Variants in BOK observed in about 807,000 individuals in gnomAD.
BOK encodes bcl-2-related ovarian killer protein.
In BOK, 20 loss-of-function variants were observed where a neutral mutation model predicts 18.3. The observed-to-expected ratio is 1.09, with a 90% CI of 0.77 to 1.59. BOK has a LOEUF of 1.59. Ranked by LOEUF, BOK falls within the 40% of genes most tolerant of loss-of-function variation. BOK has a pLI of 0.00. For missense variants in BOK, 348 were observed against 307.9 expected (o/e 1.13, Z -0.97); for synonymous variants, 173 against 142.4 (o/e 1.21, Z -1.53).
At position 241,559,569 on chromosome 2, in the gene BOK, C is replaced by T. The variant is rs142158341; in HGVS notation, c.86C>T (p.Ala29Val). ...DRSPTDKELV[A>V]QAKALGREYV... is the part of the protein sequence containing the mutation. The stretch of plus-strand genomic sequence containing the variant: ...TCGCCCACAGACAAGGAGCTGGTGG[C>T]CCAGGCCAAGGCGCTGGGCCGGGAG... Residue 29 changes from alanine to valine, a missense_variant, in exon 2 of 5, where the codon GCC becomes GTC. Ala to Val is a moderately conservative substitution (Grantham distance 64). Transcript: ENST00000318407. The T allele has an allele frequency of 5.9e-6, 9 of 1,526,432 alleles. No homozygotes were observed. Among genetic ancestry groups the T allele is most frequent in the South Asian group, 1.2e-5 (1 of 82,210 alleles). The allele number at this position is 1,526,432 out of a possible 1,614,324, so 94.6% of individuals were successfully genotyped here.
Position 241,559,651 on chromosome 2 carries a change from C to T in BOK, c.168C>T (p.Ala56=). The change falls in exon 2 of 5, where the codon GCC becomes GCT. Residue 56 remains alanine, a synonymous_variant. Transcript: ENST00000318407. The stretch of plus-strand genomic sequence containing the variant: ...TCTCCTGGAGCGCGCCCGAGCGTGC[C>T]GCGCCGGTCCCGGGACGCCTGGCTG... ...AGLSWSAPER[A]APVPGRLAEV... is the part of the protein sequence containing the mutation. The T allele has an allele frequency of 1.4e-6, 2 of 1,392,126 alleles. No homozygotes were observed. Among genetic ancestry groups the T allele is most frequent in the Non-Finnish European group, 1.8e-6 (2 of 1,081,830 alleles). The allele number at this position is 1,392,126 out of a possible 1,614,324, so 86.2% of individuals were successfully genotyped here.
In BOK at chr2:241,570,303, G is replaced by A; in HGVS notation, c.513+15G>A. 6.5e-7 allele frequency: 1 copy of A among 1,546,840 alleles called. No individual in the cohort carries two copies. The highest frequency in any genetic ancestry group is 8.7e-7 in the Non-Finnish European group (1 of 1,146,734). The stretch of plus-strand genomic sequence containing the variant: ...GCGGCGGATGGGTGAGCGCCTGAGT[G>A]CCCGTGTGGGTGGGAGAGCTGGGGT... On this transcript the variant is annotated intron_variant, in intron 4 of 4. Transcript: ENST00000318407.
upstream of BOK, among the ~76,000 whole-genome samples, chr2:241,554,096 C>A (rs4675801): frequency 2.6e-5 from 4 of 151,980 alleles, no homozygotes; most frequent in Non-Finnish European, 4.4e-5. Flanking sequence ...CATTTGTCAC[C>A]GTGGGAGGGA....
At position 241,568,884 on chromosome 2, in the gene BOK, C is replaced by T. The variant is rs185927682; in HGVS notation, c.350-1241C>T. Among the ~76,000 whole-genome samples, 173 of 152,294 alleles carry T rather than the reference C, an allele frequency of 1.1e-3. 1 individual carries two copies. The highest frequency in any genetic ancestry group is 2.7e-3 in the Admixed American group (42 of 15,292). On this transcript the variant is annotated intron_variant, in intron 3 of 4. Transcript: ENST00000318407. ...GTTTTCATAACAAATCCAGGTTGGC[C>T]GCTGTATGAGGGTGGATTGGAGAGC... is the stretch of plus-strand genomic sequence containing the variant.
At position 241,559,440 on chromosome 2, in the gene BOK, C is replaced by T. The variant is rs1329836591; in HGVS notation, c.-29-15C>T. Reference sequence around the variant, plus strand: ...CGCCGCCTCCCTCCACCCGGCTGAGCGCTTGTGCCCGCAGGTGCGGCGCCC... The same window carrying T: ...CGCCGCCTCCCTCCACCCGGCTGAGTGCTTGTGCCCGCAGGTGCGGCGCCC... On this transcript the variant is annotated splice_polypyrimidine_tract_variant and intron_variant, in intron 1 of 4. Transcript: ENST00000318407. 16 of 1,370,226 alleles carry T rather than the reference C, an allele frequency of 1.2e-5. No homozygotes were observed. The Admixed American group carries it at 2.0e-4, about 17-fold the overall frequency. The allele number at this position is 1,370,226 out of a possible 1,614,324, so 84.9% of individuals were successfully genotyped here.
chr2:241,559,264 G>T (rs2066485615), intron 1 of BOK, among the ~76,000 whole-genome samples, 191 bp from the exon 2 acceptor site: 3 of 151,754 alleles, frequency 2.0e-5, no homozygotes, highest in African/African-American at 7.2e-5. Flanking sequence ...GCAGCCTCGG[G>T]GAATGTCTGT....
At chr2:241,571,167 C>T (rs1575005206) in intron 4 of BOK, among the ~76,000 whole-genome samples, 1 of 151,970 alleles carries the variant, frequency 6.6e-6, no homozygotes, top group African/African-American at 2.4e-5. Flanking sequence ...CTGACTTACC[C>T]CCGATCCTAC....
chr2:241,559,607 C>G lies in BOK; in HGVS notation c.124C>G (p.Arg42Gly), dbSNP rs1057318411. The G allele has an allele frequency of 1.2e-5, 18 of 1,481,230 alleles. No individual in the cohort carries two copies. Among genetic ancestry groups the G allele is most frequent in the Non-Finnish European group, 1.6e-5 (18 of 1,123,112 alleles). 91.8% of individuals were successfully genotyped at this position (1,481,230 alleles called of 1,614,324 possible). Residue 42 changes from arginine to glycine, a missense_variant, in exon 2 of 5, where the codon CGG (arginine) becomes GGG (glycine). Physicochemically the swap from Arg to Gly is moderately radical, Grantham distance 125. Coordinates refer to ENST00000318407, the MANE Select transcript of BOK (RefSeq NM_032515.5). ...KALGREYVHA[R>G]LLRAGLSWSA... ...GCTGGGCCGGGAGTACGTGCACGCG[C>G]GGCTGCTGCGCGCCGGCCTCTCCTG... is the stretch of plus-strand genomic sequence containing the variant.
At chr2:241,560,820 C>T (rs1038070325) in intron 2 of BOK, among the ~76,000 whole-genome samples, 1 of 152,160 alleles carries the variant, frequency 6.6e-6, no homozygotes, top group African/African-American at 2.4e-5. Flanking sequence ...TGATGCCAGA[C>T]CCCTGGAATG....
upstream of BOK, among the ~76,000 whole-genome samples, chr2:241,558,063 A>ACACACACACACACACACACACG (rs2066468540): frequency 6.6e-6 from 1 of 151,934 alleles, no homozygotes; most frequent in African/African-American, 2.4e-5. Context: ...AGACACACAC[A>ACACACACACACACACACACACG]CACACACACA....
chr2:241,560,159 G>C, intron 2 of BOK: 1 of 985,480 alleles, frequency 1.0e-6, no homozygotes, highest in Non-Finnish European at 1.2e-6. Flanking sequence ...GCGCCCACCG[G>C]GCTGGGTAGC....
upstream of BOK, among the ~76,000 whole-genome samples, chr2:241,557,035 T>C (rs920303529): frequency 6.6e-6 from 1 of 152,228 alleles, no homozygotes; most frequent in Non-Finnish European, 1.5e-5. Flanking sequence ...TTTATCCCTT[T>C]AATGCTTGTA....
intron 1 of BOK, 57 bp from the exon 2 acceptor site, chr2:241,559,398 G>A (rs1574994007): frequency 1.7e-6 from 2 of 1,151,766 alleles, no homozygotes; most frequent in Non-Finnish European, 2.2e-6. Flanking sequence ...CCGGCGCCCC[G>A]CGCGCCCCGT....
intron 3 of BOK, among the ~76,000 whole-genome samples, chr2:241,564,571 G>C (rs539090141): frequency 6.6e-6 from 1 of 152,144 alleles, no homozygotes; most frequent in Non-Finnish European, 1.5e-5. Flanking sequence ...CTCAGGGGCC[G>C]GGTGGGCAGG....
upstream of BOK, among the ~76,000 whole-genome samples, chr2:241,555,576 C>T (rs1424886282): frequency 1.3e-5 from 2 of 151,902 alleles, no homozygotes; most frequent in African/African-American, 4.8e-5. Context: ...GGAGTCTCAC[C>T]TTGTTGGTCA....
chr2:241,564,125 G>A (rs1316096190), intron 3 of BOK, among the ~76,000 whole-genome samples: 2 of 152,268 alleles, frequency 1.3e-5, no homozygotes, highest in African/African-American at 2.4e-5. Context: ...ACTGTGGCTG[G>A]GATGCAGCGG....
chr2:241,570,179 T>C lies in BOK; in HGVS notation c.404T>C (p.Val135Ala), dbSNP rs1559205809. ...SLYAVAAGLAVDCVRQAQPAM... is the reference protein window; with the variant it reads ...SLYAVAAGLAADCVRQAQPAM... ...TATGCGGTGGCCGCGGGGCTGGCCGTGGACTGTGTGAGGCAGGCCCAGCCT... is the reference window on the plus strand; with the variant it reads ...TATGCGGTGGCCGCGGGGCTGGCCGCGGACTGTGTGAGGCAGGCCCAGCCT... The change falls in exon 4 of 5, where the codon GTG becomes GCG. Residue 135 changes from valine (V) to alanine (A), a missense_variant. Val to Ala is a moderately conservative substitution (Grantham distance 64). Coordinates refer to ENST00000318407, the MANE Select transcript of BOK (RefSeq NM_032515.5). 2.5e-6 allele frequency: 4 copies of C among 1,610,624 alleles called. No individual in the cohort carries two copies. In the South Asian group the frequency reaches 4.4e-5, roughly 18 times the overall value.
intron 1 of BOK, among the ~76,000 whole-genome samples, chr2:241,552,760 A>T (rs978062725): frequency 6.6e-6 from 1 of 152,196 alleles, no homozygotes; most frequent in African/African-American, 2.4e-5. Context: ...ATAAAGGACA[A>T]GCGGTTCGGT....
upstream of BOK, among the ~76,000 whole-genome samples, chr2:241,556,156 A>C (rs2066448748): frequency 6.6e-6 from 1 of 152,236 alleles, no homozygotes. Context: ...TCTGAGGCGC[A>C]CACTGTCCAA....
Sources: gnomAD v4.1 joint callset for allele counts (sites outside exome capture counted in the v4.1 genomes callset) on GRCh38, gnomAD v4.1.1 for gene constraint, MANE v1.5 for transcripts, NCBI Gene and HGNC (gene_info 2026-07-23, HGNC 2026-07-21) for gene names.